FRK: variants seen among roughly 807,000 people sequenced by gnomAD.
FRK encodes fyn related Src family tyrosine kinase, also known as tyrosine-protein kinase FRK.
Under a neutral mutation model 56.4 loss-of-function variants are expected in FRK, and 51 were observed. The observed-to-expected ratio is 0.90, with a 90% confidence interval of 0.72 to 1.14. FRK has a LOEUF of 1.14. Ranked by LOEUF, FRK falls within the 50% of genes most tolerant of loss-of-function variation. FRK has a pLI of 0.00. For synonymous variants in FRK, 245 were observed against 217.9 expected, an observed-to-expected ratio of 1.12 and a Z score of -1.10; for missense variants, 570 against 601.4, an observed-to-expected ratio of 0.95 and a Z score of 0.55.
chr6:116,008,262 AT>A (rs1030954392), intron 1 of FRK, among the ~76,000 whole-genome samples: 6 of 152,152 alleles, frequency 3.9e-5, no homozygotes, highest in Non-Finnish European at 7.4e-5. Context: ...CCTATAGCAA[AT>A]TTTTTTAATC....
At chr6:115,992,834 A>C (rs1774668063) in intron 2 of FRK, among the ~76,000 whole-genome samples, 1 of 151,810 alleles carries the variant, frequency 6.6e-6, no homozygotes, top group South Asian at 2.1e-4. Flanking sequence ...ATAGGAATGT[A>C]TGAGGTTTGT....
chr6:116,081,180 C>A, the FRK span, among the ~76,000 whole-genome samples: 1 of 152,174 alleles, frequency 6.6e-6, no homozygotes, highest in Non-Finnish European at 1.5e-5. Flanking sequence ...GTGCCTCCCA[C>A]AACATGCAGG....
chr6:116,090,668 C>T, the FRK span, among the ~76,000 whole-genome samples: 1 of 152,162 alleles, frequency 6.6e-6, no homozygotes, highest in Non-Finnish European at 1.5e-5. Flanking sequence ...CATATGGATG[C>T]CATTAACCAA....
chr6:116,036,433 A>T (rs939935611), intron 1 of FRK, among the ~76,000 whole-genome samples: 1 of 152,190 alleles, frequency 6.6e-6, no homozygotes, highest in African/African-American at 2.4e-5. Flanking sequence ...AAAAGTTGGT[A>T]AAATATAATG....
Position 115,931,588 on chromosome 6 carries a change from T to A in FRK, c.*10826A>T, listed in dbSNP as rs1042997435. On this transcript the variant is annotated 3_prime_UTR_variant, in exon 8 of 8. Coordinates refer to ENST00000606080, the MANE Select transcript of FRK (RefSeq NM_002031.3). The stretch of plus-strand genomic sequence containing the variant: ...TAGCTTTAAAGTATACAAATCTGGC[T>A]AATTGATTTTATTTCTTATTTTTTG... 7 of 152,326 alleles carry A rather than the reference T, an allele frequency of 4.6e-5. No homozygotes were observed. The highest frequency in any genetic ancestry group is 8.8e-5 in the Non-Finnish European group (6 of 68,016). The allele number at this position is 152,326 out of a possible 1,614,324, so 9.4% of individuals were successfully genotyped here.
At chr6:116,002,743 A>T in intron 2 of FRK, 4 of 455,492 alleles carry the variant, frequency 8.8e-6, no homozygotes, top group Non-Finnish European at 1.8e-5. Flanking sequence ...GGAGTACCAC[A>T]TTGTCTCAGT....
At chr6:115,960,094 C>T (rs566616531) in intron 4 of FRK, among the ~76,000 whole-genome samples, 27 of 152,050 alleles carry the variant, frequency 1.8e-4, no homozygotes, top group Non-Finnish European at 2.9e-4. Context: ...GCGTGAGCGA[C>T]GCAGAAGACG....
rs766438209 is a variant in FRK at position 115,967,634 on chromosome 6, C to T, written c.716G>A (p.Arg239Gln). 27 of 1,613,570 alleles carry T rather than the reference C, an allele frequency of 1.7e-5. No individual in the cohort carries two copies. Among genetic ancestry groups the T allele is most frequent in the East Asian group, 2.2e-5 (1 of 44,890 alleles). ...IDRNSIQLLK[R>Q]LGSGQFGEVW... ...TTCGCCAAACTGACCAGATCCCAAT[C>T]GCTTCAGAAGCTGTATGGAGTTGCG... The change falls in exon 4 of 8, where the codon CGA (arginine) becomes CAA (glutamine). Residue 239 changes from arginine (R) to glutamine (Q), a missense_variant. By Grantham distance (43) the Arg-to-Gln change is conservative (BLOSUM62 1). Coordinates refer to ENST00000606080, the MANE Select transcript of FRK (RefSeq NM_002031.3).
At chr6:116,082,400 G>A in the FRK span, among the ~76,000 whole-genome samples, 24 of 152,284 alleles carry the variant, frequency 1.6e-4, no homozygotes, top group African/African-American at 5.8e-4. Flanking sequence ...AGAGGGATGA[G>A]GGTAGAAGTA....
intron 4 of FRK, 124 bp downstream of exon 4, chr6:115,967,427 G>T (rs1773623860): frequency 1.1e-6 from 1 of 876,010 alleles, no homozygotes; most frequent in Non-Finnish European, 1.8e-6. Flanking sequence ...CTGGGCTAGA[G>T]ACAATGACCA....
chr6:115,987,384 C>T (rs1582683209), intron 2 of FRK, among the ~76,000 whole-genome samples: 1 of 152,064 alleles, frequency 6.6e-6, no homozygotes, highest in African/African-American at 2.4e-5. Context: ...AACTGCAATA[C>T]TCTTAATGGG....
chr6:116,044,488 G>C (rs889424876), intron 1 of FRK, among the ~76,000 whole-genome samples: 1 of 152,120 alleles, frequency 6.6e-6, no homozygotes, highest in Non-Finnish European at 1.5e-5. Flanking sequence ...AAAACTACAT[G>C]ATTATCTCAA....
the FRK span, among the ~76,000 whole-genome samples, chr6:116,095,567 A>C: frequency 6.6e-6 from 1 of 152,198 alleles, no homozygotes; most frequent in South Asian, 2.1e-4. Context: ...TCAAAGCTCA[A>C]GTCCATCAGT....
At chr6:116,030,086 T>A (rs967143417) in intron 1 of FRK, among the ~76,000 whole-genome samples, 5 of 152,148 alleles carry the variant, frequency 3.3e-5, no homozygotes, top group Non-Finnish European at 5.9e-5. Flanking sequence ...GAAGAAGGTA[T>A]AATCCATATT....
At chr6:115,958,712 A>AAAGAAAGAAAGAAGG (rs1773163586) in intron 4 of FRK, among the ~76,000 whole-genome samples, 3 of 16,500 alleles carry the variant, frequency 1.8e-4, no homozygotes, top group African/African-American at 7.4e-4. Flanking sequence ...AAGAAGAAAG[A>AAAGAAAGAAAGAAGG]AAGAAAGAAA....
At chr6:115,974,735 T>C (rs1773929460) in intron 2 of FRK, among the ~76,000 whole-genome samples, 1 of 152,208 alleles carries the variant, frequency 6.6e-6, no homozygotes, top group African/African-American at 2.4e-5. Flanking sequence ...CATAAAACTT[T>C]AGTAATTCTT....
chr6:115,999,455 A>G (rs1370747265), intron 2 of FRK, among the ~76,000 whole-genome samples: 2 of 152,160 alleles, frequency 1.3e-5, no homozygotes, highest in East Asian at 3.9e-4. Flanking sequence ...CAACAACCCA[A>G]TTAGCACCCA....
chr6:116,085,547 G>A, the FRK span, among the ~76,000 whole-genome samples: 66 of 152,314 alleles, frequency 4.3e-4, 1 homozygote, highest in African/African-American at 1.6e-3. Context: ...AAATGAGTGT[G>A]CATTTACCTA....
intron 2 of FRK, among the ~76,000 whole-genome samples, chr6:115,994,695 G>A (rs1774768175): frequency 6.6e-6 from 1 of 152,066 alleles, no homozygotes; most frequent in African/African-American, 2.4e-5. Flanking sequence ...GGTGTTTGGA[G>A]GTGAAGCCTT....
Sources: allele counts gnomAD v4.1 joint callset (sites outside exome capture counted in the v4.1 genomes callset), GRCh38; gene constraint gnomAD v4.1.1; transcripts MANE v1.5; gene names NCBI Gene and HGNC (gene_info 2026-07-23, HGNC 2026-07-21).